The following AKAP9 variants were observed in gnomAD, a reference collection of about 807,000 sequenced individuals.
AKAP9 encodes the protein A-kinase anchor protein 9.
Under a neutral mutation model 488.5 loss-of-function variants are expected in AKAP9, and 311 were observed. The observed-to-expected ratio is 0.64, with a 90% confidence interval of 0.58 to 0.70. The LOEUF (loss-of-function observed/expected upper bound fraction) is 0.70, where lower values mean the gene tolerates loss of function less well. AKAP9 is among the 30% of genes least tolerant of loss of function. The pLI is 0.00. For missense variants in AKAP9, 4,215 were observed against 4,374.5 expected, an observed-to-expected ratio of 0.96 and a Z score of 1.03; for synonymous variants, 1,462 against 1,483.5, an observed-to-expected ratio of 0.99 and a Z score of 0.33.
chr7:92,052,681 T>C, intron 21 of AKAP9, 45 bp from the exon 22 acceptor site: 1 of 1,314,140 alleles, frequency 7.6e-7, no homozygotes, highest in Non-Finnish European at 1.1e-6. Context: ...TAAAAAATTA[T>C]GATTATTATA....
chr7:91,971,599 G>A (rs1377042688), intron 1 of AKAP9, among the ~76,000 whole-genome samples: 1 of 117,532 alleles, frequency 8.5e-6, no homozygotes, highest in Non-Finnish European at 1.6e-5. Flanking sequence ...ACGGAGTCTC[G>A]CTCTGTTGCC....
chr7:91,941,222 C>T (rs1790708684), intron 1 of AKAP9, 75 bp downstream of exon 1: 6 of 1,442,978 alleles, frequency 4.2e-6, no homozygotes, highest in Non-Finnish European at 5.8e-6. Context: ...GCCTGGGAAG[C>T]GGAGTTCGCC....
chr7:91,974,038 C>T, intron 2 of AKAP9, 70 bp downstream of exon 2: 1 of 1,556,010 alleles, frequency 6.4e-7, no homozygotes, highest in Non-Finnish European at 8.8e-7. Flanking sequence ...CAGTCATTAG[C>T]AACTGTGCGC....
intron 1 of AKAP9, among the ~76,000 whole-genome samples, chr7:91,952,389 C>T (rs779333342): frequency 1.3e-5 from 2 of 152,122 alleles, no homozygotes; most frequent in Non-Finnish European, 2.9e-5. Context: ...AGTAGGCAGA[C>T]ACATAAAGAG....
chr7:91,994,799 A>G (rs774368260), intron 6 of AKAP9, 23 bp downstream of exon 6: 8 of 1,593,132 alleles, frequency 5.0e-6, no homozygotes, highest in African/African-American at 2.7e-5. Context: ...AATGCAACAA[A>G]ATTCATTATT....
chr7:91,987,481 T>G (rs1438754993), intron 3 of AKAP9, among the ~76,000 whole-genome samples: 1 of 152,212 alleles, frequency 6.6e-6, no homozygotes, highest in African/African-American at 2.4e-5. Context: ...TGACCTGGTT[T>G]GAATTATAAC....
At chr7:91,948,694 C>T (rs1008779746) in intron 1 of AKAP9, among the ~76,000 whole-genome samples, 1 of 150,726 alleles carries the variant, frequency 6.6e-6, no homozygotes, top group African/African-American at 2.5e-5. Context: ...TCACTGCAAC[C>T]TCCACCTCCT....
chr7:92,098,140 T>G lies in AKAP9; in HGVS notation c.10639T>G (p.Phe3547Val). 6.2e-7 allele frequency: 1 copy of G among 1,612,594 alleles called. No homozygotes were observed. The highest frequency in any genetic ancestry group is 8.5e-7 in the Non-Finnish European group (1 of 1,178,750). The change falls in exon 43 of 50, where the codon TTC becomes GTC. Residue 3547 changes from phenylalanine (F) to valine (V), a missense_variant. Phe to Val is a conservative substitution (Grantham distance 50). This residue lies in a region of AKAP9 where 1,476 missense variants were observed against 1,477.4 expected (regional missense o/e 1.00). Transcript: ENST00000356239. Reference sequence around the variant, plus strand: ...GTTTGAAACAGCAGATGATGAAGATTTCATTTGGGTTCAGGAAAATATTGA... The same window carrying G: ...GTTTGAAACAGCAGATGATGAAGATGTCATTTGGGTTCAGGAAAATATTGA... ...LQFETADDEDFIWVQENIDEI... is the reference protein window; with the variant it reads ...LQFETADDEDVIWVQENIDEI...
At chr7:91,992,643 G>A (rs1303318663) in intron 4 of AKAP9, among the ~76,000 whole-genome samples, 1 of 122,078 alleles carries the variant, frequency 8.2e-6, no homozygotes, top group Non-Finnish European at 1.6e-5. Flanking sequence ...CAACCTGGGT[G>A]ACAGAGCAAG....
intron 16 of AKAP9, among the ~76,000 whole-genome samples, chr7:92,031,839 A>G (rs1013853393): frequency 2.0e-5 from 3 of 152,240 alleles, no homozygotes; most frequent in Non-Finnish European, 2.9e-5. Flanking sequence ...TCAGAATGCC[A>G]AAACAAGTCT....
chr7:92,002,976 T>G lies in AKAP9; in HGVS notation c.3059T>G (p.Leu1020Ter). ...TGTGATACTCAAGTAAGCTCTTTAT[T>G]AGATGGAGTTGTGACCATGACAAGC... The part of the protein sequence containing the change: ...QSCDTQVSSL[L>*]DGVVTMTSRG... Residue 1020 changes from leucine to a stop codon, truncating the protein, a stop_gained, in exon 8 of 50, where the codon TTA becomes TGA. Coordinates refer to ENST00000356239, the MANE Select transcript of AKAP9 (RefSeq NM_005751.5). LOFTEE classifies it high-confidence loss of function. 1 of 1,613,388 alleles carries G rather than the reference T, an allele frequency of 6.2e-7. No homozygotes were observed. The highest frequency in any genetic ancestry group is 8.5e-7 in the Non-Finnish European group (1 of 1,179,600).
intron 45 of AKAP9, among the ~76,000 whole-genome samples, chr7:92,101,646 C>G (rs1489629452): frequency 6.6e-6 from 1 of 152,120 alleles, no homozygotes; most frequent in Admixed American, 6.6e-5. Context: ...AGAATGGTAT[C>G]TTTTCAACTC....
intron 1 of AKAP9, 65 bp from the exon 2 acceptor site, chr7:91,973,646 T>C: frequency 6.4e-7 from 1 of 1,554,506 alleles, no homozygotes; most frequent in East Asian, 2.3e-5. Context: ...CCAAAGCTGC[T>C]TTTTTCTTGG....
chr7:91,964,731 T>TTTAA (rs1794211253), intron 1 of AKAP9, among the ~76,000 whole-genome samples: 1 of 152,164 alleles, frequency 6.6e-6, no homozygotes, highest in Non-Finnish European at 1.5e-5. Flanking sequence ...TTAACACCCT[T>TTTAA]TTAACACTTG....
intron 1 of AKAP9, among the ~76,000 whole-genome samples, chr7:91,941,911 T>A (rs1790811603): frequency 6.6e-6 from 1 of 151,808 alleles, no homozygotes; most frequent in Admixed American, 6.6e-5. Context: ...TGTGTGTGTG[T>A]GAACGGTTAT....
intron 1 of AKAP9, among the ~76,000 whole-genome samples, chr7:91,972,564 A>G (rs1486523245): frequency 6.6e-6 from 1 of 152,184 alleles, no homozygotes; most frequent in African/African-American, 2.4e-5. Context: ...CATGGTCTTG[A>G]ATACTGTTTC....
rs879092546 is a variant in AKAP9 at position 92,029,551 on chromosome 7, G to A, written c.4149-344G>A. 4.6e-5 allele frequency among the ~76,000 whole-genome samples: 7 copies of A among 152,298 alleles called. No individual in the cohort carries two copies. The South Asian group carries it at 1.4e-3, about 32-fold the overall frequency. ...AATCCCAGCACATTTGGAGGCTGAG[G>A]CGGGAGGATCACTTGAGGCCAGGAG... On this transcript the variant is annotated intron_variant, in intron 14 of 49. Transcript: ENST00000356239.
chr7:91,947,222 A>G (rs1006197905), intron 1 of AKAP9, among the ~76,000 whole-genome samples: 26 of 151,932 alleles, frequency 1.7e-4, no homozygotes, highest in African/African-American at 6.3e-4. Context: ...AAGAGAATTT[A>G]TAATACTGCT....
chr7:92,000,430 A>C (rs2130660922), intron 7 of AKAP9, among the ~76,000 whole-genome samples: 1 of 152,292 alleles, frequency 6.6e-6, no homozygotes, highest in African/African-American at 2.4e-5. Context: ...CATGTGAGGA[A>C]CTTTTATTTA....
Sources: allele counts gnomAD v4.1 joint callset (sites outside exome capture counted in the v4.1 genomes callset), GRCh38; gene constraint gnomAD v4.1.1; regional missense constraint gnomAD v4.1.1; transcripts MANE v1.5; gene names NCBI Gene and HGNC (gene_info 2026-07-23, HGNC 2026-07-21).